BAZ2A: variants seen among roughly 807,000 people sequenced by gnomAD.
BAZ2A encodes the protein bromodomain adjacent to zinc finger domain protein 2A.
BAZ2A carries 34 observed loss-of-function variants against 199.9 expected under a neutral mutation model. The observed-to-expected ratio is 0.17, with a 90% CI of 0.13 to 0.23. The LOEUF (loss-of-function observed/expected upper bound fraction) is 0.23. Ranked by LOEUF, BAZ2A falls within the 10% of genes least tolerant of loss-of-function variation. The pLI, the probability that BAZ2A is intolerant of heterozygous loss-of-function variation, is 1.00. For synonymous variants in BAZ2A, 857 were observed against 883.9 expected (o/e 0.97, Z 0.54); for missense variants, 2,002 against 2,391.1 (o/e 0.84, Z 3.39).
chr12:56,606,867 T>C (rs1451540492), intron 10 of BAZ2A, 134 bp from the exon 11 acceptor site: 1 of 711,022 alleles, frequency 1.4e-6, no homozygotes, highest in African/African-American at 1.8e-5. Context: ...TTTTTTTTTT[T>C]TTAAGTATAC....
chr12:56,596,306 A>ACT lies in BAZ2A; in HGVS notation c.*2310_*2311dup, dbSNP rs1185222225. The ACT allele has an allele frequency of 6.5e-6, 1 of 152,684 alleles. No individual in the cohort carries two copies. The highest frequency in any genetic ancestry group is 2.4e-5 in the African/African-American group (1 of 41,458). 9.5% of individuals were successfully genotyped at this position (152,684 alleles called of 1,614,324 possible). A position where few individuals can be genotyped will look rare whatever the true frequency, so the allele number is the denominator to read the frequency against. ...TTTAAACCTGCTTTCCCTACCAAAT[A>ACT]CTCTTGTCATGAAGAGAAAATCCAC... On this transcript the variant is annotated 3_prime_UTR_variant, in exon 29 of 29. Transcript: ENST00000549884.
At chr12:56,624,111 C>T (rs1951009215) in intron 1 of BAZ2A, among the ~76,000 whole-genome samples, 2 of 151,844 alleles carry the variant, frequency 1.3e-5, no homozygotes, top group Middle Eastern at 3.4e-3. Context: ...TTCCAAGTAC[C>T]AAGCCACAGA....
rs1393128051 is a variant in BAZ2A, at chr12:56,598,322, C to A, written c.*296G>T. 1.6e-5 allele frequency: 5 copies of A among 314,672 alleles called. No individual in the cohort carries two copies. Among genetic ancestry groups the A allele is most frequent in the Admixed American group, 4.7e-5 (1 of 21,450 alleles). The allele number at this position is 314,672 out of a possible 1,614,324, so 19.5% of individuals were successfully genotyped here. A position where few individuals can be genotyped will look rare whatever the true frequency, so the allele number is the denominator to read the frequency against. On this transcript the variant is annotated 3_prime_UTR_variant, in exon 29 of 29. Coordinates refer to ENST00000549884, the MANE Select transcript of BAZ2A (RefSeq NM_001300905.2). Reference sequence around the variant, plus strand: ...GGAAGTAGGGACGACTTTCCCCCTCCCCATTTTTAATTAGCAAATAAAACA... The same window carrying A: ...GGAAGTAGGGACGACTTTCCCCCTCACCATTTTTAATTAGCAAATAAAACA...
chr12:56,617,283 T>C, intron 2 of BAZ2A, 112 bp downstream of exon 2: 2 of 1,221,372 alleles, frequency 1.6e-6, no homozygotes, highest in East Asian at 6.1e-5. Flanking sequence ...GAACTTGTTC[T>C]TAGAAGTTGA....
intron 19 of BAZ2A, among the ~76,000 whole-genome samples, 184 bp from the exon 20 acceptor site, chr12:56,602,376 A>G (rs943124556): frequency 3.3e-5 from 5 of 152,270 alleles, no homozygotes; most frequent in African/African-American, 1.2e-4. Flanking sequence ...TATTCTCCCA[A>G]GTAATCAGCA....
At chr12:56,601,431 G>A in intron 20 of BAZ2A, 29 bp from the exon 21 acceptor site, 1 of 1,602,652 alleles carries the variant, frequency 6.2e-7, no homozygotes, top group Non-Finnish European at 8.5e-7. Flanking sequence ...ATAAGGAAAT[G>A]AGGATGTTTT....
At chr12:56,612,297 T>A in intron 5 of BAZ2A, 51 bp from the exon 6 acceptor site, 22 of 1,454,642 alleles carry the variant, frequency 1.5e-5, no homozygotes, top group Non-Finnish European at 2.0e-5. Context: ...AGGCATCACA[T>A]AAAACAAGAG....
In BAZ2A at chr12:56,600,488, G is replaced by T; in HGVS notation, c.4605C>A (p.Gly1535=). ...RVIMSDLQIR[G]WTCPSPDSTR... is the part of the protein sequence containing the mutation. ...TAGAGTCTGGGCTAGGACATGTCCAGCCCTTCAGTTAAGAGAGAGGAATAA... is the reference window on the plus strand; with the variant it reads ...TAGAGTCTGGGCTAGGACATGTCCATCCCTTCAGTTAAGAGAGAGGAATAA... The change falls in exon 24 of 29, where the codon GGC becomes GGA. Residue 1535 remains glycine (G), a splice_region_variant and synonymous_variant. Transcript: ENST00000549884. 1 of 1,611,814 alleles carries T rather than the reference G, an allele frequency of 6.2e-7. No homozygotes were observed. Among genetic ancestry groups the T allele is most frequent in the East Asian group, 2.2e-5 (1 of 44,860 alleles).
At chr12:56,630,000 G>A in intron 1 of BAZ2A, 125 bp downstream of exon 1, 7 of 700,562 alleles carry the variant, frequency 1.0e-5, no homozygotes, top group Non-Finnish European at 1.2e-5. Context: ...CAGGAAATAA[G>A]CTCCCGTCGG....
chr12:56,625,875 C>CAA (rs748737235), intron 1 of BAZ2A, among the ~76,000 whole-genome samples: 1,192 of 54,378 alleles, frequency 0.022, 38 homozygotes, highest in African/African-American at 0.063. Flanking sequence ...AACTCCGTCT[C>CAA]AAAAAAAAAA....
chr12:56,616,611 C>G (rs1369495180), intron 2 of BAZ2A, among the ~76,000 whole-genome samples: 1 of 152,102 alleles, frequency 6.6e-6, no homozygotes, highest in African/African-American at 2.4e-5. Flanking sequence ...CAAAAAGAAC[C>G]AAGATATTAA....
chr12:56,603,320 C>A, intron 18 of BAZ2A, 39 bp downstream of exon 18: 1 of 1,597,308 alleles, frequency 6.3e-7, no homozygotes, highest in Non-Finnish European at 8.6e-7. Flanking sequence ...TCTTGCCCAG[C>A]CCATATCTCC....
At chr12:56,619,024 G>A (rs745845980) in intron 1 of BAZ2A, among the ~76,000 whole-genome samples, 7 of 151,896 alleles carry the variant, frequency 4.6e-5, no homozygotes, top group African/African-American at 7.3e-5. Flanking sequence ...GGCGAGAACC[G>A]ATCTCTACAA....
At position 56,602,781 on chromosome 12, in the gene BAZ2A, T is replaced by C. The variant is rs769203355; in HGVS notation, c.3356A>G (p.Tyr1119Cys). ...LRAVSLGQDRYRRRYWVLPYL... is the reference protein window; with the variant it reads ...LRAVSLGQDRCRRRYWVLPYL... ...CGGCAATACCCAGTAGCGACGTCTG[T>C]AGCGGTCCTGACCCAGGGAGACCGC... The change falls in exon 19 of 29, where the codon TAC becomes TGC. Residue 1119 changes from tyrosine (Y) to cysteine (C), a missense_variant. Transcript: ENST00000549884. 2.5e-6 allele frequency: 4 copies of C among 1,613,994 alleles called. No individual in the cohort carries two copies. The highest frequency in any genetic ancestry group is 1.7e-5 in the Admixed American group (1 of 60,014).
intron 13 of BAZ2A, 47 bp downstream of exon 13, chr12:56,605,783 G>A (rs1950330120): frequency 2.0e-6 from 3 of 1,499,262 alleles, no homozygotes; most frequent in South Asian, 1.3e-5. Flanking sequence ...TTTTTTAAAG[G>A]AAAGTCTTCC....
chr12:56,615,047 C>T lies in BAZ2A; in HGVS notation c.697G>A (p.Val233Ile). The T allele has an allele frequency of 6.2e-7, 1 of 1,613,412 alleles. No homozygotes were observed. The highest frequency in any genetic ancestry group is 8.5e-7 in the Non-Finnish European group (1 of 1,179,720). The change falls in exon 3 of 29, where the codon GTA (valine) becomes ATA (isoleucine). Residue 233 changes from valine to isoleucine, a missense_variant. Coordinates refer to ENST00000549884, the MANE Select transcript of BAZ2A (RefSeq NM_001300905.2). ...SVVAENGTGL[V>I]GSLELEEEQP... ...TCTTCTTCCAGCTCCAAGCTGCCTA[C>T]CAAGCCAGTGCCATTCTCTGCCACA...
chr12:56,602,839 T>G lies in BAZ2A; in HGVS notation c.3298A>C (p.Lys1100Gln), dbSNP rs1456838811. The change falls in exon 19 of 29, where the codon AAA becomes CAA. Residue 1100 changes from lysine (K) to glutamine (Q), a missense_variant. Physicochemically the swap from Lys to Gln is moderately conservative, Grantham distance 53 (BLOSUM62 1). Around this residue, in one of 6 missense-constraint regions of BAZ2A, gnomAD observed 1,081 missense variants for 1,274.7 expected, o/e 0.85. Coordinates refer to ENST00000549884, the MANE Select transcript of BAZ2A (RefSeq NM_001300905.2). ...ATCTGGGATGAGTGAAGCAGCTTTT[T>G]GCGAAAGAAAAGCTGACGCTGGGTA... is the stretch of plus-strand genomic sequence containing the variant. ...KLSKRQLFFRKKLLHSSQMLR... is the reference protein window; with the variant it reads ...KLSKRQLFFRQKLLHSSQMLR... 6.2e-7 allele frequency: 1 copy of G among 1,612,284 alleles called. No individual in the cohort carries two copies.
rs11367195 is a variant in BAZ2A, at chr12:56,620,563, C to CT, written c.-2-3032dup. ...AACACACAGGGTCCTCCAGGATTTC[C>CT]TTTTTTTTTTTTTGAGACAGAGTTT... is the stretch of plus-strand genomic sequence containing the variant. On this transcript the variant is annotated intron_variant, in intron 1 of 28. Transcript: ENST00000549884. Among the ~76,000 whole-genome samples the CT allele has an allele frequency of 1.6e-3, 231 of 144,420 alleles. 2 individuals are homozygous for CT. The highest frequency in any genetic ancestry group is 7.1e-3 in the Middle Eastern group (2 of 282). The allele number at this position is 144,420 out of a possible 152,430, so 94.7% of individuals were successfully genotyped here.
At position 56,602,780 on chromosome 12, in the gene BAZ2A, G is replaced by A. The variant is rs1950218988; in HGVS notation, c.3357C>T (p.Tyr1119=). 1 of 1,613,826 alleles carries A rather than the reference G, an allele frequency of 6.2e-7. No individual in the cohort carries two copies. The highest frequency in any genetic ancestry group is 8.5e-7 in the Non-Finnish European group (1 of 1,179,864). ...ACGGCAATACCCAGTAGCGACGTCTGTAGCGGTCCTGACCCAGGGAGACCG... is the reference window on the plus strand; with the variant it reads ...ACGGCAATACCCAGTAGCGACGTCTATAGCGGTCCTGACCCAGGGAGACCG... ...LRAVSLGQDR[Y]RRRYWVLPYL... Residue 1119 remains tyrosine (Y), a synonymous_variant, in exon 19 of 29, where the codon TAC becomes TAT. Transcript: ENST00000549884.
Sources: gnomAD v4.1 joint callset for allele counts (sites outside exome capture counted in the v4.1 genomes callset) on GRCh38, gnomAD v4.1.1 for gene constraint, gnomAD v4.1.1 regional missense constraint, MANE v1.5 for transcripts, NCBI Gene and HGNC (gene_info 2026-07-23, HGNC 2026-07-21) for gene names.